HECTD2: variants seen among roughly 807,000 people sequenced by gnomAD.
HECTD2 encodes HECT domain E3 ubiquitin protein ligase 2, also known as probable E3 ubiquitin-protein ligase HECTD2.
HECTD2 carries 35 observed loss-of-function variants against 103.2 expected under a neutral mutation model. The ratio of observed to expected loss-of-function variants is 0.34; its 90% CI spans 0.26 to 0.45. The LOEUF (loss-of-function observed/expected upper bound fraction) is 0.45, where lower values mean the gene tolerates loss of function less well. Ranked by LOEUF, HECTD2 falls within the 20% of genes least tolerant of loss-of-function variation. HECTD2 has a pLI of 1.00. For missense variants in HECTD2, 596 were observed against 937.4 expected (o/e 0.64, Z 4.76); for synonymous variants, 281 against 329.9 (o/e 0.85, Z 1.61).
chr10:91,440,755 A>C (rs1215872533), intron 2 of HECTD2, among the ~76,000 whole-genome samples: 1 of 49,624 alleles, frequency 2.0e-5, no homozygotes, highest in African/African-American at 8.5e-5. Context: ...CCATTTCAGA[A>C]CTTGTTATTG....
intron 1 of HECTD2, among the ~76,000 whole-genome samples, chr10:91,418,339 C>T (rs1156384909): frequency 6.6e-6 from 1 of 151,980 alleles, no homozygotes; most frequent in Non-Finnish European, 1.5e-5. Flanking sequence ...TCTCTAATGC[C>T]ACCTTGCCTT....
At chr10:91,463,623 T>C (rs1279836813) in intron 5 of HECTD2, 1 of 152,200 alleles carries the variant, frequency 6.6e-6, no homozygotes, top group African/African-American at 2.4e-5. Context: ...TTGCATTGAC[T>C]GGGACCTCTT....
intron 5 of HECTD2, among the ~76,000 whole-genome samples, chr10:91,474,713 C>G (rs1291106348): frequency 1.3e-5 from 2 of 152,040 alleles, no homozygotes; most frequent in African/African-American, 4.8e-5. Context: ...ATTCTAATTT[C>G]TATTGGGGGC....
chr10:91,488,041 G>C (rs1846328715), intron 11 of HECTD2: 2 of 230,708 alleles, frequency 8.7e-6, no homozygotes. Context: ...AAATTACTGA[G>C]AGCTTGTTGG....
chr10:91,410,435 C>A lies in HECTD2; in HGVS notation c.-4C>A, dbSNP rs756480887. The A allele has an allele frequency of 7.8e-6, 11 of 1,416,974 alleles. No homozygotes were observed. Among genetic ancestry groups the A allele is most frequent in the Non-Finnish European group, 1.0e-5 (11 of 1,087,740 alleles). The allele number at this position is 1,416,974 out of a possible 1,614,324, so 87.8% of individuals were successfully genotyped here. ...CGCCTGGCGCTCCCGCCGCCCGGCCCGACATGAGTGAGGCGGTTCGGGTAC... is the reference window on the plus strand; with the variant it reads ...CGCCTGGCGCTCCCGCCGCCCGGCCAGACATGAGTGAGGCGGTTCGGGTAC... On this transcript the variant is annotated 5_prime_UTR_variant, in exon 1 of 21. Transcript: ENST00000298068.
intron 2 of HECTD2, among the ~76,000 whole-genome samples, chr10:91,438,450 A>G (rs565431121): frequency 6.6e-6 from 1 of 152,230 alleles, no homozygotes; most frequent in African/African-American, 2.4e-5. Flanking sequence ...CATGGTGCAT[A>G]TGTGCCATAT....
Position 91,462,397 on chromosome 10 carries a change from C to CT in HECTD2, c.600+219dup, listed in dbSNP as rs35518057. The CT allele has an allele frequency of 7.6e-5, 90 of 1,191,010 alleles. No homozygotes were observed. In the East Asian group the frequency reaches 2.8e-3, roughly 37 times the overall value. 73.8% of individuals were successfully genotyped at this position (1,191,010 alleles called of 1,614,324 possible). A position where few individuals can be genotyped will look rare whatever the true frequency, so the allele number is the denominator to read the frequency against. ...GCAGCAAATACTTTTATATCCAATC[C>CT]TTTTTTAGAAAGACTTGCTAAAATC... On this transcript the variant is annotated intron_variant, in intron 5 of 20. Transcript: ENST00000298068.
Position 91,484,599 on chromosome 10 carries a change from C to T in HECTD2, c.914C>T (p.Pro305Leu), listed in dbSNP as rs745475531. 1 of 1,612,510 alleles carries T rather than the reference C, an allele frequency of 6.2e-7. No homozygotes were observed. Among genetic ancestry groups the T allele is most frequent in the Non-Finnish European group, 8.5e-7 (1 of 1,179,000 alleles). Residue 305 changes from proline to leucine, a missense_variant, in exon 9 of 21, where the codon CCT (proline) becomes CTT (leucine). By Grantham distance (98) the Pro-to-Leu change is moderately conservative (BLOSUM62 -3). Coordinates refer to ENST00000298068, the MANE Select transcript of HECTD2 (RefSeq NM_182765.6). ...LFPAKPEEFPPITKCSWWIPS... is the reference protein window; with the variant it reads ...LFPAKPEEFPLITKCSWWIPS... ...CCTGCAAAGCCTGAAGAATTTCCAC[C>T]TATAACAAAGTGTTCCTGGTGGATT... is the stretch of plus-strand genomic sequence containing the variant.
At chr10:91,454,838 C>A (rs889100601) in intron 2 of HECTD2, among the ~76,000 whole-genome samples, 7 of 151,530 alleles carry the variant, frequency 4.6e-5, no homozygotes, top group Non-Finnish European at 7.4e-5. Flanking sequence ...TTTGTCCTTG[C>A]GATAGTTTGC....
chr10:91,416,138 T>C (rs1476152542), intron 1 of HECTD2, among the ~76,000 whole-genome samples: 1 of 152,152 alleles, frequency 6.6e-6, no homozygotes, highest in African/African-American at 2.4e-5. Context: ...TATTTAACAA[T>C]TGGAGAAAAG....
intron 1 of HECTD2, among the ~76,000 whole-genome samples, chr10:91,416,559 C>T (rs1423741809): frequency 2.0e-5 from 3 of 146,720 alleles, no homozygotes; most frequent in Non-Finnish European, 4.4e-5. Flanking sequence ...GTAAGCTGTA[C>T]TATCTAGATT....
intron 2 of HECTD2, among the ~76,000 whole-genome samples, chr10:91,454,650 A>G (rs1392332103): frequency 2.0e-5 from 3 of 151,876 alleles, no homozygotes; most frequent in Non-Finnish European, 4.4e-5. Flanking sequence ...TACATGTGCC[A>G]TGTTGGTGTG....
At chr10:91,454,477 C>T (rs902024983) in intron 2 of HECTD2, among the ~76,000 whole-genome samples, 5 of 151,948 alleles carry the variant, frequency 3.3e-5, no homozygotes, top group East Asian at 1.9e-4. Flanking sequence ...AAAATAAAAA[C>T]GTAATACAAC....
intron 2 of HECTD2, among the ~76,000 whole-genome samples, chr10:91,440,017 G>C (rs1844331616): frequency 6.6e-6 from 1 of 152,110 alleles, no homozygotes; most frequent in Admixed American, 6.6e-5. Flanking sequence ...ATATAATCAT[G>C]TCATCTGCAA....
chr10:91,424,270 C>CGGTA (rs1394265163), intron 1 of HECTD2, among the ~76,000 whole-genome samples: 2 of 152,122 alleles, frequency 1.3e-5, no homozygotes, highest in African/African-American at 4.8e-5. Flanking sequence ...TCAGATGGCT[C>CGGTA]TACCTAACTG....
At chr10:91,467,558 C>T (rs1845574323) in intron 5 of HECTD2, among the ~76,000 whole-genome samples, 1 of 152,116 alleles carries the variant, frequency 6.6e-6, no homozygotes, top group Non-Finnish European at 1.5e-5. Context: ...CTTCCTGGGG[C>T]ATAGCTCACC....
chr10:91,503,569 C>T (rs1013610679), intron 20 of HECTD2, among the ~76,000 whole-genome samples: 17 of 152,180 alleles, frequency 1.1e-4, no homozygotes, highest in Non-Finnish European at 2.4e-4. Flanking sequence ...GCTTTTCCGA[C>T]GGGCTTAAAA....
Position 91,491,298 on chromosome 10 carries a change from A to G in HECTD2, c.1290A>G (p.Ser430=), listed in dbSNP as rs1219503561. Residue 430 remains serine (S), a synonymous_variant, in exon 12 of 21, where the codon TCA becomes TCG. Transcript: ENST00000298068. ...GACGGACACATCTGGTTAGCGATTC[A>G]CTTGATGAGGTATAATTTATTCCAA... ...KVRRTHLVSD[S]LDELTRKRAD... 1.4e-6 allele frequency: 2 copies of G among 1,416,792 alleles called. No individual in the cohort carries two copies. The allele number at this position is 1,416,792 out of a possible 1,614,324, so 87.8% of individuals were successfully genotyped here. A position where few individuals can be genotyped will look rare whatever the true frequency, so the allele number is the denominator to read the frequency against.
chr10:91,512,128 G>A (rs1283555034), intron 20 of HECTD2, 136 bp from the exon 21 acceptor site: 2 of 881,426 alleles, frequency 2.3e-6, no homozygotes, highest in African/African-American at 3.4e-5. Context: ...TCTGTTCAGT[G>A]AAGAAATGGA....
Sources: gnomAD v4.1 joint callset for allele counts (sites outside exome capture counted in the v4.1 genomes callset) on GRCh38, gnomAD v4.1.1 for gene constraint, MANE v1.5 for transcripts, NCBI Gene and HGNC (gene_info 2026-07-23, HGNC 2026-07-21) for gene names.